DNMBP: variants seen among roughly 807,000 people sequenced by gnomAD.
DNMBP encodes the protein dynamin-binding protein.
A neutral mutation model predicts 150.0 loss-of-function variants in DNMBP; 87 were observed. That is an observed-to-expected ratio of 0.58 (90% confidence interval 0.49 to 0.69). DNMBP has a LOEUF of 0.69. DNMBP is among the 30% of genes least tolerant of loss of function. The pLI, the probability that DNMBP is intolerant of heterozygous loss-of-function variation, is 0.00. For missense variants in DNMBP, 1,774 were observed against 1,949.0 expected (o/e 0.91, Z 1.69); for synonymous variants, 711 against 750.4 (o/e 0.95, Z 0.86).
At chr10:99,966,349 A>T (rs1208591209) in intron 3 of DNMBP, among the ~76,000 whole-genome samples, 2 of 152,206 alleles carry the variant, frequency 1.3e-5, no homozygotes, top group East Asian at 3.8e-4. Context: ...TTTGGATTCC[A>T]CTTACATCTT....
intron 4 of DNMBP, among the ~76,000 whole-genome samples, chr10:99,950,684 A>G (rs1368748492): frequency 2.6e-5 from 4 of 152,194 alleles, no homozygotes; most frequent in Admixed American, 2.6e-4. Context: ...GATTTGTGGA[A>G]CTTTGAACTT....
rs183610268 is a variant in DNMBP, at chr10:99,968,985, G to A, written c.268+130C>T. 1.7e-5 allele frequency: 17 copies of A among 983,238 alleles called. No homozygotes were observed. In the East Asian group the frequency reaches 3.0e-4, roughly 17 times the overall value. 60.9% of individuals were successfully genotyped at this position (983,238 alleles called of 1,614,324 possible). A position where few individuals can be genotyped will look rare whatever the true frequency, so the allele number is the denominator to read the frequency against. On this transcript the variant is annotated intron_variant, in intron 3 of 16. Coordinates refer to ENST00000324109, the MANE Select transcript of DNMBP (RefSeq NM_015221.4). Reference sequence around the variant, plus strand: ...AACTATAAGGCATCATTACGTCCACGCTATTTGGTATTGCCGAGGACTCTC... The same window carrying A: ...AACTATAAGGCATCATTACGTCCACACTATTTGGTATTGCCGAGGACTCTC...
chr10:99,888,237 G>A (rs2039501267), intron 12 of DNMBP, among the ~76,000 whole-genome samples: 1 of 101,332 alleles, frequency 9.9e-6, no homozygotes, highest in African/African-American at 3.3e-5. Context: ...TTGAGGCAGA[G>A]TCTTGCTCTG....
intron 15 of DNMBP, among the ~76,000 whole-genome samples, chr10:99,882,318 A>G (rs2039380710): frequency 1.3e-5 from 2 of 152,228 alleles, no homozygotes; most frequent in Admixed American, 1.3e-4. Flanking sequence ...ACTATAGCTA[A>G]TGATAATGTA....
At chr10:99,880,390 G>A in intron 15 of DNMBP, 29 bp from the exon 16 acceptor site, 2 of 1,525,196 alleles carry the variant, frequency 1.3e-6, no homozygotes, top group Non-Finnish European at 8.8e-7. Flanking sequence ...ATATAAACAA[G>A]AACTCTTAGC....
At chr10:100,000,595 T>C (rs1380956040) in intron 1 of DNMBP, among the ~76,000 whole-genome samples, 4 of 152,122 alleles carry the variant, frequency 2.6e-5, no homozygotes, top group African/African-American at 7.2e-5. Context: ...CTGCTGAACC[T>C]ATGCATTGAA....
chr10:100,005,072 G>A (rs375881429), intron 1 of DNMBP, among the ~76,000 whole-genome samples: 5 of 152,118 alleles, frequency 3.3e-5, no homozygotes, highest in Non-Finnish European at 7.3e-5. Context: ...TTGTGCTTAC[G>A]AGATTGAAAA....
At chr10:99,950,661 C>T (rs140327686) in intron 4 of DNMBP, among the ~76,000 whole-genome samples, 1,768 of 152,278 alleles carry the variant, frequency 0.012, 39 homozygotes, top group African/African-American at 0.039. Flanking sequence ...TAGCATTTTG[C>T]CTCTTCCCTA....
At chr10:99,893,549 CATG>C (rs1487518690) in intron 11 of DNMBP, among the ~76,000 whole-genome samples, 2 of 152,210 alleles carry the variant, frequency 1.3e-5, no homozygotes, top group African/African-American at 2.4e-5. Context: ...TCCTGGCCAA[CATG>C]ATGACACCCC....
At chr10:99,927,823 T>C (rs1394220024) in intron 4 of DNMBP, among the ~76,000 whole-genome samples, 2 of 152,148 alleles carry the variant, frequency 1.3e-5, no homozygotes, top group Non-Finnish European at 2.9e-5. Flanking sequence ...AGAGGGCACA[T>C]TACAACACTG....
intron 4 of DNMBP, among the ~76,000 whole-genome samples, chr10:99,939,258 A>G (rs1463991953): frequency 6.6e-6 from 1 of 152,156 alleles, no homozygotes; most frequent in Non-Finnish European, 1.5e-5. Flanking sequence ...TGATTCCTAC[A>G]GTTCTTGCTA....
chr10:99,948,756 A>C (rs886561702), intron 4 of DNMBP, among the ~76,000 whole-genome samples: 1 of 152,110 alleles, frequency 6.6e-6, no homozygotes, highest in African/African-American at 2.4e-5. Context: ...TGAGGCTAGG[A>C]GTTCGAGACC....
At chr10:99,917,819 C>G (rs1380312487) in intron 4 of DNMBP, among the ~76,000 whole-genome samples, 1 of 151,860 alleles carries the variant, frequency 6.6e-6, no homozygotes, top group Non-Finnish European at 1.5e-5. Flanking sequence ...CAAAAATTAG[C>G]TGGGCGCAGT....
chr10:99,922,881 C>T (rs931117468), intron 4 of DNMBP, among the ~76,000 whole-genome samples: 2 of 152,156 alleles, frequency 1.3e-5, no homozygotes, highest in Non-Finnish European at 2.9e-5. Flanking sequence ...TATTTTTTCC[C>T]TCTCCTTTGC....
At chr10:99,904,408 C>T (rs937258292) in intron 6 of DNMBP, among the ~76,000 whole-genome samples, 2 of 152,152 alleles carry the variant, frequency 1.3e-5, no homozygotes, top group African/African-American at 4.8e-5. Flanking sequence ...TACCCAGAGT[C>T]TCCCAGTGCT....
intron 4 of DNMBP, among the ~76,000 whole-genome samples, chr10:99,942,220 G>T (rs1038078869): frequency 1.7e-4 from 26 of 152,136 alleles, no homozygotes; most frequent in African/African-American, 6.3e-4. Flanking sequence ...TTTTCAGAAG[G>T]TTTTCTCTGA....
chr10:99,967,462 G>A (rs1464507989), intron 3 of DNMBP, among the ~76,000 whole-genome samples: 4 of 152,084 alleles, frequency 2.6e-5, no homozygotes, highest in Non-Finnish European at 2.9e-5. Context: ...GGAGGCGGAG[G>A]TTGCAGTGAG....
rs1223746291 is a variant in DNMBP, at chr10:99,879,825, C to T, written c.4534G>A (p.Ala1512Thr). The change falls in exon 16 of 17, where the codon GCA (alanine) becomes ACA (threonine). Residue 1512 changes from alanine (A) to threonine (T), a missense_variant. Physicochemically the swap from Ala to Thr is moderately conservative, Grantham distance 58. Transcript: ENST00000324109. ...TACGCACTCACCTGGTTGCCTTCTG[C>T]CTCACTGCCATCTGGCTCTGTACTT... is the stretch of plus-strand genomic sequence containing the variant. ...DRSTEPDGSE[A>T]EGNQVYFAVY... The T allele has an allele frequency of 6.2e-6, 10 of 1,614,088 alleles. No individual in the cohort carries two copies. The South Asian group carries it at 6.6e-5, about 11-fold the overall frequency.
chr10:99,900,106 T>C, intron 6 of DNMBP, 40 bp from the exon 7 acceptor site: 1 of 1,611,366 alleles, frequency 6.2e-7, no homozygotes, highest in Non-Finnish European at 8.5e-7. Context: ...TTTAGTAAAC[T>C]TTCTTCTCAG....
Sources: gnomAD v4.1 joint callset for allele counts (sites outside exome capture counted in the v4.1 genomes callset) on GRCh38, gnomAD v4.1.1 for gene constraint, MANE v1.5 for transcripts, NCBI Gene and HGNC (gene_info 2026-07-23, HGNC 2026-07-21) for gene names.